KRT2: variants seen among roughly 807,000 people sequenced by gnomAD.
KRT2 encodes the protein keratin 2.
A neutral mutation model predicts 48.5 loss-of-function variants in KRT2; 37 were observed. The ratio of observed to expected loss-of-function variants is 0.76; its 90% CI spans 0.59 to 1.00. The LOEUF is 1.00. KRT2 is among the 50% of genes least tolerant of loss of function. KRT2 has a pLI of 0.00. For missense variants in KRT2, 880 were observed against 815.2 expected (o/e 1.08, Z -0.97); for synonymous variants, 324 against 312.2 (o/e 1.04, Z -0.40).
Position 52,651,879 on chromosome 12 carries a change from TCCACCAGCGGCGCCAAAG to T in KRT2, c.246_263del (p.Ala85_Gly90del). On this transcript the variant is annotated inframe_deletion, in exon 1 of 9. Transcript: ENST00000309680. ...CAAAACCACCTCCTCTGCCACCAAA[TCCACCAGCGGCGCCAAAG>T]CCACCACCTCCTCCAGCCACACTAA... 6.9e-7 allele frequency: 1 copy of T among 1,456,148 alleles called. No individual in the cohort carries two copies. The highest frequency in any genetic ancestry group is 9.4e-7 in the Non-Finnish European group (1 of 1,061,058). 90.2% of individuals were successfully genotyped at this position (1,456,148 alleles called of 1,614,324 possible). A position where few individuals can be genotyped will look rare whatever the true frequency, so the allele number is the denominator to read the frequency against.
chr12:52,649,213 TC>T, intron 3 of KRT2, 111 bp from the exon 4 acceptor site: 1 of 753,772 alleles, frequency 1.3e-6, no homozygotes, highest in East Asian at 2.6e-5. Flanking sequence ...AATCCCAGGC[TC>T]CCCAACCTGA....
At chr12:52,650,850 C>G (rs1220379030) in intron 1 of KRT2, among the ~76,000 whole-genome samples, 1 of 152,216 alleles carries the variant, frequency 6.6e-6, no homozygotes, top group Non-Finnish European at 1.5e-5. Context: ...TCCCCGCATC[C>G]TGGTTGAATT....
rs1230757300 is a variant in KRT2 at position 52,650,407 on chromosome 12, A to G, written c.732T>C (p.Thr244=). The part of the protein sequence containing the change: ...DSLKRYLDGL[T]AERTSQNSEL... ...CTGAATTCTGTGATGTTCTTTCTGC[A>G]GTGAGCCCATCCAGATATCTCTTGA... is the stretch of plus-strand genomic sequence containing the variant. Residue 244 remains threonine (T), a synonymous_variant, in exon 2 of 9, where the codon ACT becomes ACC. Transcript: ENST00000309680. 4 of 1,614,244 alleles carry G rather than the reference A, an allele frequency of 2.5e-6. No individual in the cohort carries two copies. Among genetic ancestry groups the G allele is most frequent in the Non-Finnish European group, 2.5e-6 (3 of 1,180,034 alleles).
intron 2 of KRT2, 134 bp downstream of exon 2, chr12:52,650,205 T>C: frequency 8.1e-6 from 7 of 864,344 alleles, no homozygotes; most frequent in South Asian, 8.1e-5. Flanking sequence ...TCCTCACAAA[T>C]AATCAACAAA....
intron 3 of KRT2, 142 bp downstream of exon 3, chr12:52,649,772 A>C: frequency 1.4e-6 from 1 of 725,154 alleles, no homozygotes; most frequent in Non-Finnish European, 2.5e-6. Flanking sequence ...TTTTGTTTGC[A>C]AGAGAATGTG....
At chr12:52,649,151 C>T in intron 3 of KRT2, 49 bp from the exon 4 acceptor site, 1 of 1,122,408 alleles carries the variant, frequency 8.9e-7, no homozygotes, top group Non-Finnish European at 1.4e-6. Context: ...GTACAGGCCT[C>T]TTCCTCTCTC....
rs774783290 is a variant in KRT2 at position 52,644,984 on chromosome 12, G to C, written c.*35C>G. ...TCTACATTCTGGAGTGGGAGAGTCT[G>C]GGTTGGGAGAGTCGGTGGTGGTGGG... On this transcript the variant is annotated 3_prime_UTR_variant, in exon 9 of 9. Coordinates refer to ENST00000309680, the MANE Select transcript of KRT2 (RefSeq NM_000423.3). 27 of 1,612,074 alleles carry C rather than the reference G, an allele frequency of 1.7e-5. No homozygotes were observed. Among genetic ancestry groups the C allele is most frequent in the Non-Finnish European group, 2.2e-5 (26 of 1,178,338 alleles).
intron 4 of KRT2, 88 bp from the exon 5 acceptor site, chr12:52,648,425 C>T: frequency 9.6e-7 from 1 of 1,046,018 alleles, no homozygotes. Context: ...AAGGGAAACG[C>T]AGACCCTCAG....
At chr12:52,651,093 G>A (rs978099950) in intron 1 of KRT2, among the ~76,000 whole-genome samples, 1 of 152,172 alleles carries the variant, frequency 6.6e-6, no homozygotes, top group Non-Finnish European at 1.5e-5. Flanking sequence ...AGACTTTATG[G>A]ATCACAAAAC....
Position 52,645,215 on chromosome 12 carries a change from G to C in KRT2, c.1724C>G (p.Ser575Cys). The C allele has an allele frequency of 1.2e-6, 2 of 1,613,304 alleles. No homozygotes were observed. The highest frequency in any genetic ancestry group is 1.7e-6 in the Non-Finnish European group (2 of 1,179,814). The stretch of plus-strand genomic sequence containing the variant: ...GGACCCTCCCTTAGAGCCACCACCA[G>C]ATCCGTATCTTCCTCCAGAACCACC... Reference protein sequence around the residue: ...SGGGSGGRYGSGGGSKGGSIS... With the variant: ...SGGGSGGRYGCGGGSKGGSIS... The change falls in exon 9 of 9, where the codon TCT (serine) becomes TGT (cysteine). Residue 575 changes from serine to cysteine, a missense_variant. By Grantham distance (112) the Ser-to-Cys change is moderately radical. Coordinates refer to ENST00000309680, the MANE Select transcript of KRT2 (RefSeq NM_000423.3).
rs1485800644 is a variant in KRT2, at chr12:52,649,948, G to C, written c.827C>G (p.Thr276Arg). ...CGTCACAAAATCATTCTCAGCAGCT[G>C]TGCGCTTATTGATTTCATCCTCATA... is the stretch of plus-strand genomic sequence containing the variant. ...KKYEDEINKR[T>R]AAENDFVTLK... Residue 276 changes from threonine to arginine, a missense_variant, in exon 3 of 9, where the codon ACA (threonine) becomes AGA (arginine). Physicochemically the swap from Thr to Arg is moderately conservative, Grantham distance 71. Coordinates refer to ENST00000309680, the MANE Select transcript of KRT2 (RefSeq NM_000423.3). 10 of 1,613,438 alleles carry C rather than the reference G, an allele frequency of 6.2e-6. No homozygotes were observed. Among genetic ancestry groups the C allele is most frequent in the Non-Finnish European group, 8.5e-6 (10 of 1,179,514 alleles).
At chr12:52,648,366 A>C (rs1941200747) in intron 4 of KRT2, 29 bp from the exon 5 acceptor site, 1 of 1,604,470 alleles carries the variant, frequency 6.2e-7, no homozygotes, top group Non-Finnish European at 8.5e-7. Context: ...TCTGGTCATG[A>C]CATCCTGCCA....
At chr12:52,650,753 G>A (rs866491606) in intron 1 of KRT2, 200 bp from the exon 2 acceptor site, 10 of 637,158 alleles carry the variant, frequency 1.6e-5, no homozygotes, top group Middle Eastern at 8.3e-4. Flanking sequence ...TGCTACATCC[G>A]GCTCTCTCCA....
rs1448427909 is a variant in KRT2 at position 52,644,691 on chromosome 12, A to G, written c.*328T>C. Reference sequence around the variant, plus strand: ...CCAGGCTTAGAGATGAAATCCCTGGATGGGCCTGGGTCCTCAACAGAATAC... The same window carrying G: ...CCAGGCTTAGAGATGAAATCCCTGGGTGGGCCTGGGTCCTCAACAGAATAC... On this transcript the variant is annotated 3_prime_UTR_variant, in exon 9 of 9. Coordinates refer to ENST00000309680, the MANE Select transcript of KRT2 (RefSeq NM_000423.3). 2.6e-6 allele frequency: 1 copy of G among 383,262 alleles called. No individual in the cohort carries two copies. Among genetic ancestry groups the G allele is most frequent in the African/African-American group, 2.0e-5 (1 of 49,032 alleles). 23.7% of individuals were successfully genotyped at this position (383,262 alleles called of 1,614,324 possible).
intron 4 of KRT2, among the ~76,000 whole-genome samples, 179 bp from the exon 5 acceptor site, chr12:52,648,516 G>A (rs1002822063): frequency 1.3e-5 from 2 of 152,182 alleles, no homozygotes; most frequent in African/African-American, 4.8e-5. Flanking sequence ...GAGAATTGTA[G>A]TGAGAGGCAC....
Position 52,647,807 on chromosome 12 carries a change from C to T in KRT2, c.1171G>A (p.Glu391Lys). ...TVGRHGDSLKEIKIEISELNR... is the reference protein window; with the variant it reads ...TVGRHGDSLKKIKIEISELNR... The stretch of plus-strand genomic sequence containing the variant: ...AGCTCGCTGATCTCTATCTTGATCT[C>T]TTTCAGGCTGTCTCCATGTCTCCCG... The change falls in exon 6 of 9, where the codon GAG (glutamate) becomes AAG (lysine). Residue 391 changes from glutamate to lysine, a missense_variant. Coordinates refer to ENST00000309680, the MANE Select transcript of KRT2 (RefSeq NM_000423.3). The T allele has an allele frequency of 6.2e-7, 1 of 1,614,164 alleles. No homozygotes were observed. Among genetic ancestry groups the T allele is most frequent in the Non-Finnish European group, 8.5e-7 (1 of 1,180,022 alleles).
At chr12:52,650,903 C>T (rs1454074093) in intron 1 of KRT2, among the ~76,000 whole-genome samples, 4 of 152,200 alleles carry the variant, frequency 2.6e-5, no homozygotes, top group African/African-American at 4.8e-5. Flanking sequence ...CCGAAAGCAG[C>T]CATCTGCTGG....
chr12:52,648,993 A>G lies in KRT2; in HGVS notation c.957+14T>C. 1 of 1,522,758 alleles carries G rather than the reference A, an allele frequency of 6.6e-7. No individual in the cohort carries two copies. Among genetic ancestry groups the G allele is most frequent in the South Asian group, 1.1e-5 (1 of 89,214 alleles). The allele number at this position is 1,522,758 out of a possible 1,614,324, so 94.3% of individuals were successfully genotyped here. On this transcript the variant is annotated intron_variant, in intron 4 of 8. Transcript: ENST00000309680. ...GGTGGGAAGTAAGGGACTGTCCCGG[A>G]GCAGCCTCCTTACCGCATCATAGAG...
chr12:52,645,702 T>A (rs1941153899), intron 7 of KRT2, 133 bp from the exon 8 acceptor site: 7 of 824,194 alleles, frequency 8.5e-6, no homozygotes, highest in Non-Finnish European at 1.5e-5. Context: ...CACCCCACTT[T>A]CTTCTATGCT....
Sources: allele counts gnomAD v4.1 joint callset (sites outside exome capture counted in the v4.1 genomes callset), GRCh38; gene constraint gnomAD v4.1.1; transcripts MANE v1.5; gene names NCBI Gene and HGNC (gene_info 2026-07-23, HGNC 2026-07-21).